The following LAMB4 variants were observed in gnomAD, a reference collection of about 807,000 sequenced individuals.
LAMB4 encodes laminin subunit beta-4.
In LAMB4, 196 loss-of-function variants were observed where a neutral mutation model predicts 199.2. The ratio of observed to expected loss-of-function variants is 0.98; its 90% CI spans 0.88 to 1.11. The LOEUF (loss-of-function observed/expected upper bound fraction) is 1.11, where lower values mean the gene tolerates loss of function less well. Ranked by LOEUF, LAMB4 falls within the 50% of genes least tolerant of loss-of-function variation. The probability of loss-of-function intolerance (pLI) is 0.00; values close to 1 mark genes in which losing one functional copy is unlikely to be tolerated. For synonymous variants in LAMB4, 744 were observed against 770.6 expected, an observed-to-expected ratio of 0.97 and a Z score of 0.57; for missense variants, 2,080 against 2,171.2, an observed-to-expected ratio of 0.96 and a Z score of 0.83.
At chr7:108,028,315 A>G (rs748073399) in intron 33 of LAMB4, among the ~76,000 whole-genome samples, 2 of 152,084 alleles carry the variant, frequency 1.3e-5, no homozygotes, top group Non-Finnish European at 2.9e-5. Flanking sequence ...TGGGCGGGAC[A>G]ATTGTTTGCT....
chr7:108,087,185 T>C (rs78342955), intron 14 of LAMB4, among the ~76,000 whole-genome samples: 156 of 152,336 alleles, frequency 1.0e-3, no homozygotes, highest in African/African-American at 3.7e-3. Context: ...GTCCATATCA[T>C]GTTACATGCA....
At position 108,057,823 on chromosome 7, in the gene LAMB4, A is replaced by G. The variant is rs374635477; in HGVS notation, c.3379+9T>C. The G allele has an allele frequency of 3.2e-6, 5 of 1,583,076 alleles. No homozygotes were observed. Among genetic ancestry groups the G allele is most frequent in the Non-Finnish European group, 4.3e-6 (5 of 1,151,732 alleles). ...GTACGCATGAGTTTTTAGAAATCCCAATACTTACGAATGCATCGCCCAGGT... is the reference window on the plus strand; with the variant it reads ...GTACGCATGAGTTTTTAGAAATCCCGATACTTACGAATGCATCGCCCAGGT... On this transcript the variant is annotated intron_variant, in intron 24 of 33. Transcript: ENST00000388781.
intron 26 of LAMB4, among the ~76,000 whole-genome samples, chr7:108,051,512 G>A (rs1029506184): frequency 2.0e-5 from 3 of 152,136 alleles, no homozygotes; most frequent in African/African-American, 7.2e-5. Flanking sequence ...ATCTTGAATA[G>A]GAGATGAACT....
chr7:108,074,966 G>A (rs1350750941), intron 17 of LAMB4, among the ~76,000 whole-genome samples: 1 of 152,084 alleles, frequency 6.6e-6, no homozygotes, highest in Non-Finnish European at 1.5e-5. Flanking sequence ...GAGTATGTTG[G>A]CTTTTATAAA....
intron 4 of LAMB4, 81 bp downstream of exon 4, chr7:108,111,730 A>G: frequency 1.6e-6 from 2 of 1,263,968 alleles, no homozygotes; most frequent in Non-Finnish European, 2.3e-6. Context: ...TTGCTGTGAC[A>G]TTATTAAAAC....
chr7:108,014,173 G>T, the LAMB4 span, among the ~76,000 whole-genome samples: 1 of 152,120 alleles, frequency 6.6e-6, no homozygotes, highest in African/African-American at 2.4e-5. Flanking sequence ...GTTTCTTGTG[G>T]ATGTATTTTC....
At position 108,092,392 on chromosome 7, in the gene LAMB4, G is replaced by A. The variant is rs778918205; in HGVS notation, c.1495C>T (p.His499Tyr). The A allele has an allele frequency of 2.7e-5, 43 of 1,613,844 alleles. No homozygotes were observed. Among genetic ancestry groups the A allele is most frequent in the Non-Finnish European group, 3.6e-5 (42 of 1,179,848 alleles). ...TCACAGGGAGAACACCCATGGAGAT[G>A]ATTTCCCAGGCCCCAGTATCCAACC... ...CTVGYWGLGN[H>Y]LHGCSPCDCD... Residue 499 changes from histidine (H) to tyrosine (Y), a missense_variant, in exon 13 of 34, where the codon CAT becomes TAT. Coordinates refer to ENST00000388781, the MANE Select transcript of LAMB4 (RefSeq NM_007356.3).
intron 15 of LAMB4, 52 bp downstream of exon 15, chr7:108,079,549 G>C: frequency 7.1e-7 from 1 of 1,413,854 alleles, no homozygotes; most frequent in Non-Finnish European, 9.7e-7. Context: ...AACAGTTCAA[G>C]AATGTATTTC....
At chr7:108,045,697 G>A (rs1489360789) in intron 28 of LAMB4, among the ~76,000 whole-genome samples, 3 of 152,166 alleles carry the variant, frequency 2.0e-5, no homozygotes, top group Non-Finnish European at 4.4e-5. Context: ...TTTAAGCACT[G>A]GGACATAAGA....
intron 1 of LAMB4, among the ~76,000 whole-genome samples, chr7:108,123,595 TA>T (rs769784537): frequency 9.2e-5 from 14 of 152,172 alleles, no homozygotes; most frequent in Non-Finnish European, 1.5e-4. Flanking sequence ...ATATCACCTA[TA>T]ATACCACCCG....
At chr7:108,106,818 C>G (rs1325698656) in intron 6 of LAMB4, among the ~76,000 whole-genome samples, 1 of 152,082 alleles carries the variant, frequency 6.6e-6, no homozygotes, top group Non-Finnish European at 1.5e-5. Flanking sequence ...CCTCCTGCCT[C>G]AGCCTCCTAA....
chr7:108,103,293 CCCCGCACTGGTCAGGGCA>C, intron 9 of LAMB4, 61 bp from the exon 10 acceptor site: 2 of 1,372,316 alleles, frequency 1.5e-6, no homozygotes, highest in East Asian at 2.5e-5. Flanking sequence ...CAGCCAGTGC[CCCCGCACTGGTCAGGGCA>C]CCCGCTAGTC....
chr7:108,025,417 C>CTTTCCTTTCTTTCTTCT, intron 33 of LAMB4, among the ~76,000 whole-genome samples: 1 of 107,826 alleles, frequency 9.3e-6, no homozygotes, highest in Admixed American at 8.7e-5. Context: ...TTCTTTCTTT[C>CTTTCCTTTCTTTCTTCT]TTCTTTCTTT....
rs752707858 is a variant in LAMB4, at chr7:108,098,414, A to T, written c.1349T>A (p.Leu450Gln). 6.2e-6 allele frequency: 10 copies of T among 1,603,900 alleles called. No homozygotes were observed. The highest frequency in any genetic ancestry group is 8.5e-6 in the Non-Finnish European group (10 of 1,175,676). ...GATTATGGACTTACGCTGGCAGCCC[A>T]GGGGGTCGGTGGCGCTTAGTCCGTA... ...NHYGLSATDPLGCQPCDCNPL... is the reference protein window; with the variant it reads ...NHYGLSATDPQGCQPCDCNPL... The change falls in exon 11 of 34, where the codon CTG becomes CAG. Residue 450 changes from leucine to glutamine, a missense_variant. Transcript: ENST00000388781.
At chr7:108,091,524 T>C in intron 14 of LAMB4, 102 bp downstream of exon 14, 2 of 1,336,248 alleles carry the variant, frequency 1.5e-6, no homozygotes, top group East Asian at 4.7e-5. Flanking sequence ...GGCAAAAGCA[T>C]TCTTTTCTAG....
intron 19 of LAMB4, 30 bp from the exon 20 acceptor site, chr7:108,066,630 GC>G: frequency 2.8e-6 from 4 of 1,418,268 alleles, no homozygotes; most frequent in Non-Finnish European, 3.9e-6. Flanking sequence ...GTATGCTGGA[GC>G]GGGGATGAGT....
intron 6 of LAMB4, among the ~76,000 whole-genome samples, chr7:108,107,270 T>C (rs2038055095): frequency 6.6e-6 from 1 of 152,186 alleles, no homozygotes; most frequent in South Asian, 2.1e-4. Context: ...CAGATTCCCC[T>C]GGGGTGGTGG....
downstream of LAMB4, among the ~76,000 whole-genome samples, chr7:108,021,692 A>G (rs2034697593): frequency 6.6e-6 from 1 of 152,116 alleles, no homozygotes; most frequent in East Asian, 1.9e-4. Flanking sequence ...CTGGGCAACA[A>G]GAGCAAAACT....
intron 25 of LAMB4, among the ~76,000 whole-genome samples, chr7:108,055,318 TG>T (rs1795288229): frequency 6.6e-6 from 1 of 151,838 alleles, no homozygotes; most frequent in Admixed American, 6.6e-5. Flanking sequence ...TCCCAAGTAG[TG>T]GGGATTACAG....
Sources: gnomAD v4.1 joint callset for allele counts (sites outside exome capture counted in the v4.1 genomes callset) on GRCh38, gnomAD v4.1.1 for gene constraint, MANE v1.5 for transcripts, NCBI Gene and HGNC (gene_info 2026-07-23, HGNC 2026-07-21) for gene names.